VWA2: variants seen among roughly 807,000 people sequenced by gnomAD.
The protein encoded by VWA2 is von Willebrand factor A domain containing 2, also known as von Willebrand factor A domain-containing protein 2.
Under a neutral mutation model 70.4 loss-of-function variants are expected in VWA2, and 73 were observed. The ratio of observed to expected loss-of-function variants is 1.04; its 90% CI spans 0.86 to 1.26. VWA2 has a LOEUF of 1.26. Among genes scored for constraint, VWA2 ranks in the 50% most tolerant of loss-of-function variants. VWA2 has a pLI of 0.00. For synonymous variants in VWA2, 407 were observed against 423.3 expected (o/e 0.96, Z 0.47); for missense variants, 1,011 against 998.5 (o/e 1.01, Z -0.17).
chr10:114,258,607 T>C (rs1564718001), intron 4 of VWA2, among the ~76,000 whole-genome samples: 1 of 152,224 alleles, frequency 6.6e-6, no homozygotes, highest in Non-Finnish European at 1.5e-5. Context: ...CTCAAGTAAA[T>C]ACACCCAGCT....
Position 114,277,168 on chromosome 10 carries a change from C to CTTTTTTTTTTTTT in VWA2, c.567-728_567-716dup, listed in dbSNP as rs780326649. Among the ~76,000 whole-genome samples, 8 of 61,218 alleles carry CTTTTTTTTTTTTT rather than the reference C, an allele frequency of 1.3e-4. 4 individuals carry two copies. The highest frequency in any genetic ancestry group is 4.1e-4 in the African/African-American group (6 of 14,494). The allele number at this position is 61,218 out of a possible 152,430, so 40.2% of individuals were successfully genotyped here. On this transcript the variant is annotated intron_variant, in intron 6 of 13. Transcript: ENST00000392982. The stretch of plus-strand genomic sequence containing the variant: ...TCTAGATACATTACTGACTGCACGT[C>CTTTTTTTTTTTTT]TTTTTTTTTTTTTTTTTTTTTTTTT...
chr10:114,251,517 A>G (rs1564714381), intron 2 of VWA2, among the ~76,000 whole-genome samples: 1 of 152,196 alleles, frequency 6.6e-6, no homozygotes, highest in Non-Finnish European at 1.5e-5. Flanking sequence ...CTGGTAAGAT[A>G]TTTTAAAAGA....
Position 114,289,059 on chromosome 10 carries a change from C to A in VWA2, c.1692C>A (p.Asn564Lys). 1 of 1,614,190 alleles carries A rather than the reference C, an allele frequency of 6.2e-7. No homozygotes were observed. The highest frequency in any genetic ancestry group is 8.5e-7 in the Non-Finnish European group (1 of 1,180,034). The change falls in exon 12 of 14, where the codon AAC (asparagine) becomes AAA (lysine). Residue 564 changes from asparagine to lysine, a missense_variant. Coordinates refer to ENST00000392982, the MANE Select transcript of VWA2 (RefSeq NM_001272046.2). The part of the protein sequence containing the change: ...VRSCALQFEV[N>K]PDVTQVGLVV... ...GCTGTGCCCTCCAGTTTGAGGTGAA[C>A]CCTGACGTGACACAGGTCGGCCTGG...
intron 12 of VWA2, chr10:114,289,738 C>T: frequency 1.8e-6 from 1 of 555,836 alleles, no homozygotes. Flanking sequence ...AGAATTTATG[C>T]ATTCCCTTTA....
In VWA2 at chr10:114,262,656, A is replaced by G. The variant is rs1260303736; in HGVS notation, c.371+1361A>G. On this transcript the variant is annotated intron_variant, in intron 5 of 13. Coordinates refer to ENST00000392982, the MANE Select transcript of VWA2 (RefSeq NM_001272046.2). ...CTCTCAAGAAGCCTGAGGCCCCACA[A>G]TGGGCACAGCAGGGACTCTGGGAGC... 3.3e-5 allele frequency among the ~76,000 whole-genome samples: 5 copies of G among 152,118 alleles called. 1 individual carries two copies. The highest frequency in any genetic ancestry group is 4.1e-4 in the South Asian group (2 of 4,826).
chr10:114,257,656 C>G (rs1290113653), intron 4 of VWA2, among the ~76,000 whole-genome samples: 1 of 152,196 alleles, frequency 6.6e-6, no homozygotes, highest in Non-Finnish European at 1.5e-5. Flanking sequence ...TGCTATCACA[C>G]AGCAAATGGC....
At chr10:114,288,094 C>T (rs566253331) in intron 11 of VWA2, among the ~76,000 whole-genome samples, 2 of 152,320 alleles carry the variant, frequency 1.3e-5, no homozygotes, top group South Asian at 2.1e-4. Flanking sequence ...CAAACTCCTT[C>T]CCCTGGCTTC....
At chr10:114,254,621 TC>T (rs1215815372) in intron 3 of VWA2, among the ~76,000 whole-genome samples, 2 of 152,222 alleles carry the variant, frequency 1.3e-5, no homozygotes, top group African/African-American at 4.8e-5. Context: ...CCAAGCCTTT[TC>T]AGTGCTGCTC....
chr10:114,241,131 C>T (rs575022041), intron 1 of VWA2, among the ~76,000 whole-genome samples: 1 of 152,154 alleles, frequency 6.6e-6, no homozygotes, highest in Admixed American at 6.5e-5. Context: ...CATATACCTC[C>T]TGTCCCCGCC....
chr10:114,256,170 A>ATAAACTGTATTGTATTGTATAAACTGTAT (rs1401608905), intron 4 of VWA2, among the ~76,000 whole-genome samples: 3 of 152,242 alleles, frequency 2.0e-5, no homozygotes, highest in African/African-American at 7.2e-5. Context: ...TATTCATTGC[A>ATAAACTGTATTGTATTGTATAAACTGTAT]GCATTATGTG....
chr10:114,257,977 T>C (rs964803030), intron 4 of VWA2, among the ~76,000 whole-genome samples: 2 of 152,180 alleles, frequency 1.3e-5, no homozygotes, highest in Admixed American at 6.5e-5. Context: ...TTTTTAAGGG[T>C]AGAATCTGGG....
At chr10:114,279,655 A>G (rs2037966062) in intron 8 of VWA2, among the ~76,000 whole-genome samples, 1 of 152,144 alleles carries the variant, frequency 6.6e-6, no homozygotes, top group Non-Finnish European at 1.5e-5. Flanking sequence ...GGGCCACCAG[A>G]GGCTCTCCTC....
In VWA2 at chr10:114,278,762, G is replaced by A; in HGVS notation, c.744G>A (p.Glu248=). 6.2e-7 allele frequency: 1 copy of A among 1,613,960 alleles called. No individual in the cohort carries two copies. Residue 248 remains glutamate (E), a synonymous_variant, in exon 8 of 14, where the codon GAG becomes GAA. Coordinates refer to ENST00000392982, the MANE Select transcript of VWA2 (RefSeq NM_001272046.2). The part of the protein sequence containing the change: ...EAHPCEHRTL[E]MVREFAGNAP... ...ACCCCTGTGAGCACAGGACGCTGGA[G>A]ATGGTCCGGGAGTTCGCTGGCAATG... is the stretch of plus-strand genomic sequence containing the variant.
chr10:114,252,222 T>C (rs2037211513), intron 2 of VWA2, among the ~76,000 whole-genome samples: 4 of 152,246 alleles, frequency 2.6e-5, no homozygotes, highest in Admixed American at 2.6e-4. Context: ...GTCTTGTTTC[T>C]GTCTCTGGTG....
At chr10:114,288,908 C>T in intron 11 of VWA2, 30 bp from the exon 12 acceptor site, 1 of 1,573,512 alleles carries the variant, frequency 6.4e-7, no homozygotes. Flanking sequence ...GGCACATCCA[C>T]TGCTGAAGCC....
At chr10:114,240,955 T>A (rs964979021) in intron 1 of VWA2, among the ~76,000 whole-genome samples, 1 of 152,226 alleles carries the variant, frequency 6.6e-6, no homozygotes, top group Non-Finnish European at 1.5e-5. Context: ...GTTTTTGGTC[T>A]ACCGTACAGA....
In VWA2 at chr10:114,290,283, G is replaced by T; in HGVS notation, c.2166G>T (p.Met722Ile). ...PVNLCKPSPC[M>I]NEGSCVLQNG... The stretch of plus-strand genomic sequence containing the variant: ...ACCTCTGCAAACCCAGCCCGTGCAT[G>T]AATGAGGGCAGCTGCGTCCTGCAGA... Residue 722 changes from methionine to isoleucine, a missense_variant, in exon 13 of 14, where the codon ATG (methionine) becomes ATT (isoleucine). Transcript: ENST00000392982. 7.1e-6 allele frequency: 11 copies of T among 1,550,622 alleles called. No individual in the cohort carries two copies. Among genetic ancestry groups the T allele is most frequent in the Non-Finnish European group, 9.6e-6 (11 of 1,146,986 alleles).
chr10:114,291,536 A>G lies in VWA2; in HGVS notation c.*299A>G. On this transcript the variant is annotated 3_prime_UTR_variant, in exon 14 of 14. Transcript: ENST00000392982. ...GTACCTGCTGTGCCTTGTTGAGGCT[A>G]TGTCATCTGCCACCTTTCCCTTGAG... The G allele has an allele frequency of 2.7e-6, 1 of 375,094 alleles. No individual in the cohort carries two copies. The highest frequency in any genetic ancestry group is 4.8e-6 in the Non-Finnish European group (1 of 208,060). 23.2% of individuals were successfully genotyped at this position (375,094 alleles called of 1,614,324 possible). A position where few individuals can be genotyped will look rare whatever the true frequency, so the allele number is the denominator to read the frequency against.
Position 114,261,300 on chromosome 10 carries a change from G to A in VWA2, c.371+5G>A. Reference sequence around the variant, plus strand: ...AATCAAGAGGATGGTTTTCAAGTATGTATGATCAGATACTGCTGTGGTTAG... The same window carrying A: ...AATCAAGAGGATGGTTTTCAAGTATATATGATCAGATACTGCTGTGGTTAG... On this transcript the variant is annotated splice_donor_5th_base_variant and intron_variant, in intron 5 of 13. Coordinates refer to ENST00000392982, the MANE Select transcript of VWA2 (RefSeq NM_001272046.2). The A allele has an allele frequency of 6.2e-7, 1 of 1,609,426 alleles. No homozygotes were observed. Among genetic ancestry groups the A allele is most frequent in the South Asian group, 1.1e-5 (1 of 90,974 alleles).
Sources: allele counts gnomAD v4.1 joint callset (sites outside exome capture counted in the v4.1 genomes callset), GRCh38; gene constraint gnomAD v4.1.1; transcripts MANE v1.5; gene names NCBI Gene and HGNC (gene_info 2026-07-23, HGNC 2026-07-21).